LRMDA: variants seen among roughly 807,000 people sequenced by gnomAD.
LRMDA encodes the protein leucine rich melanocyte differentiation associated.
LRMDA carries 18 observed loss-of-function variants against 29.8 expected under a neutral mutation model. The observed-to-expected ratio is 0.60, with a 90% CI of 0.42 to 0.90. The LOEUF (loss-of-function observed/expected upper bound fraction) is 0.90, where lower values mean the gene tolerates loss of function less well. Among genes scored for constraint, LRMDA ranks in the 40% least tolerant of loss-of-function variants. The probability of loss-of-function intolerance (pLI) is 0.00; values close to 1 mark genes in which losing one functional copy is unlikely to be tolerated. For synonymous variants in LRMDA, 125 were observed against 109.4 expected (o/e 1.14, Z -0.89); for missense variants, 273 against 273.9 (o/e 1.00, Z 0.02).
chr10:76,000,917 G>T (rs1252230692), intron 2 of LRMDA, among the ~76,000 whole-genome samples: 1 of 152,144 alleles, frequency 6.6e-6, no homozygotes, highest in Non-Finnish European at 1.5e-5. Context: ...GTCTTCACAT[G>T]CACCATTAGA....
intron 5 of LRMDA, among the ~76,000 whole-genome samples, chr10:76,084,468 GC>G (rs1355640249): frequency 2.7e-4 from 37 of 139,312 alleles, no homozygotes; most frequent in Non-Finnish European, 5.3e-4. Context: ...GCCCACCTTG[GC>G]CTCCCAAAGT....
At chr10:75,689,617 A>G (rs1249024590) in intron 2 of LRMDA, among the ~76,000 whole-genome samples, 2 of 152,228 alleles carry the variant, frequency 1.3e-5, no homozygotes, top group East Asian at 3.9e-4. Flanking sequence ...TGTGGGGAGC[A>G]TGTGTGTGCA....
chr10:75,884,601 G>C (rs1022495875), intron 2 of LRMDA, among the ~76,000 whole-genome samples: 1 of 152,172 alleles, frequency 6.6e-6, no homozygotes, highest in Non-Finnish European at 1.5e-5. Context: ...TAGACCTAGG[G>C]ACAGGAGAAT....
intron 2 of LRMDA, among the ~76,000 whole-genome samples, chr10:75,579,252 C>A (rs1329486442): frequency 1.3e-5 from 2 of 152,150 alleles, no homozygotes; most frequent in African/African-American, 4.8e-5. Flanking sequence ...CACCACTGAT[C>A]CCACAGAAAT....
At chr10:76,517,672 C>A (rs1843075436) in intron 6 of LRMDA, among the ~76,000 whole-genome samples, 1 of 151,874 alleles carries the variant, frequency 6.6e-6, no homozygotes, top group South Asian at 2.1e-4. Flanking sequence ...AAAAAAATGG[C>A]AAACATATAA....
chr10:76,494,481 G>T (rs1259424050), intron 6 of LRMDA, among the ~76,000 whole-genome samples: 1 of 151,552 alleles, frequency 6.6e-6, no homozygotes, highest in Non-Finnish European at 1.5e-5. Flanking sequence ...ATTCATTCCT[G>T]ATATTGATAA....
intron 5 of LRMDA, among the ~76,000 whole-genome samples, chr10:76,244,495 G>C (rs1264353380): frequency 1.3e-5 from 2 of 152,154 alleles, no homozygotes; most frequent in Admixed American, 6.5e-5. Context: ...AGTTGGGTGA[G>C]AGCCATGTAG....
chr10:76,009,365 G>A (rs2132477857), intron 2 of LRMDA, among the ~76,000 whole-genome samples: 1 of 152,264 alleles, frequency 6.6e-6, no homozygotes, highest in South Asian at 2.1e-4. Context: ...GCTTCTTTTG[G>A]AATTAAGTAA....
At chr10:75,511,300 A>C (rs1478787501) in intron 2 of LRMDA, among the ~76,000 whole-genome samples, 1 of 152,160 alleles carries the variant, frequency 6.6e-6, no homozygotes, top group Non-Finnish European at 1.5e-5. Flanking sequence ...GTGCCATCAC[A>C]CTCCAGCCTG....
intron 2 of LRMDA, among the ~76,000 whole-genome samples, chr10:75,917,963 A>G (rs772280249): frequency 0.024 from 1,013 of 42,376 alleles, 7 homozygotes; most frequent in African/African-American, 0.03. Context: ...ACATGTGCGC[A>G]CACACACACA....
intron 2 of LRMDA, among the ~76,000 whole-genome samples, chr10:75,847,486 A>G (rs1224518977): frequency 1.3e-5 from 2 of 152,190 alleles, no homozygotes; most frequent in Non-Finnish European, 2.9e-5. Context: ...CACAGGCAAC[A>G]AAAACAAAAA....
chr10:76,304,374 A>G (rs1051015072), intron 5 of LRMDA, among the ~76,000 whole-genome samples: 15 of 152,176 alleles, frequency 9.9e-5, no homozygotes, highest in Non-Finnish European at 1.9e-4. Context: ...TTTGTTCTAA[A>G]CACCTTTTGG....
chr10:75,990,753 G>A (rs1037566981), intron 2 of LRMDA, among the ~76,000 whole-genome samples: 17 of 152,250 alleles, frequency 1.1e-4, no homozygotes, highest in Non-Finnish European at 2.2e-4. Context: ...AAATGGTCCA[G>A]TTTGGTTAAG....
intron 2 of LRMDA, among the ~76,000 whole-genome samples, chr10:75,543,306 C>T (rs769999142): frequency 1.3e-5 from 2 of 152,190 alleles, no homozygotes; most frequent in Non-Finnish European, 2.9e-5. Flanking sequence ...GTTAAAATAA[C>T]TCTATTCTAT....
At chr10:76,045,691 A>C (rs911081270) in intron 3 of LRMDA, among the ~76,000 whole-genome samples, 6 of 152,162 alleles carry the variant, frequency 3.9e-5, no homozygotes, top group African/African-American at 1.4e-4. Flanking sequence ...CATGTGGAAG[A>C]GAAGAAGCCT....
At chr10:75,693,459 AT>A (rs1842195782) in intron 2 of LRMDA, among the ~76,000 whole-genome samples, 1 of 152,342 alleles carries the variant, frequency 6.6e-6, no homozygotes, top group Admixed American at 6.5e-5. Flanking sequence ...AATTTGTTAA[AT>A]TAATTCAGTT....
At chr10:76,434,013 C>G (rs1267040297) in intron 6 of LRMDA, among the ~76,000 whole-genome samples, 1 of 152,170 alleles carries the variant, frequency 6.6e-6, no homozygotes, top group Non-Finnish European at 1.5e-5. Context: ...CTCCACCTCA[C>G]CTTTGCTTTT....
chr10:75,965,207 AG>A (rs1402743094), intron 2 of LRMDA, among the ~76,000 whole-genome samples: 2 of 152,208 alleles, frequency 1.3e-5, no homozygotes, highest in Non-Finnish European at 2.9e-5. Flanking sequence ...GAGGCACTGC[AG>A]CATCTGAAGT....
At chr10:76,015,469 A>G (rs1015691245) in intron 2 of LRMDA, among the ~76,000 whole-genome samples, 4 of 152,222 alleles carry the variant, frequency 2.6e-5, no homozygotes, top group African/African-American at 9.6e-5. Context: ...GGACCTCTCC[A>G]TAGGACAGCT....
Sources: gnomAD v4.1 joint callset for allele counts (sites outside exome capture counted in the v4.1 genomes callset) on GRCh38, gnomAD v4.1.1 for gene constraint, MANE v1.5 for transcripts, NCBI Gene and HGNC (gene_info 2026-07-23, HGNC 2026-07-21) for gene names.